Variants in ITGB4 observed in about 807,000 individuals in gnomAD.
ITGB4 encodes the protein integrin subunit beta 4.
A neutral mutation model predicts 207.6 loss-of-function variants in ITGB4; 159 were observed. That is an observed-to-expected ratio of 0.77 (90% CI 0.67 to 0.87). The LOEUF is 0.87. Among genes scored for constraint, ITGB4 ranks in the 40% least tolerant of loss-of-function variants. ITGB4 has a pLI of 0.00. For missense variants in ITGB4, 2,278 were observed against 2,546.8 expected, an observed-to-expected ratio of 0.89 and a Z score of 2.27; for synonymous variants, 1,020 against 1,062.7, an observed-to-expected ratio of 0.96 and a Z score of 0.78.
At chr17:75,734,113 T>G (rs2060922654) in intron 13 of ITGB4, among the ~76,000 whole-genome samples, 1 of 151,134 alleles carries the variant, frequency 6.6e-6, no homozygotes, top group Non-Finnish European at 1.5e-5. Context: ...GGGTTTTTTG[T>G]TGTTGTTGCT....
Position 75,756,447 on chromosome 17 carries a change from A to G in ITGB4, c.4727A>G (p.Asn1576Ser). 6.2e-7 allele frequency: 1 copy of G among 1,613,208 alleles called. No individual in the cohort carries two copies. ...CCCCCAGGTGAGCTGCATCGGCTCA[A>G]CATCCCCAACCCTGCCCAGACCTCG... ...LLNGGELHRL[N>S]IPNPAQTSVV... The change falls in exon 36 of 40, where the codon AAC becomes AGC. Residue 1576 changes from asparagine to serine, a missense_variant. Physicochemically the swap from Asn to Ser is conservative, Grantham distance 46. Transcript: ENST00000200181.
Position 75,742,190 on chromosome 17 carries a change from A to AGCATTGCC in ITGB4, c.2634-151_2634-150insGCATTGCC. 1 of 993,232 alleles carries AGCATTGCC rather than the reference A, an allele frequency of 1.0e-6. No individual in the cohort carries two copies. The highest frequency in any genetic ancestry group is 1.5e-6 in the Non-Finnish European group (1 of 653,494). The allele number at this position is 993,232 out of a possible 1,614,324, so 61.5% of individuals were successfully genotyped here. ...GCAGGGTAAAGGGTATGGGGCTGGC[A>AGCATTGCC]TAGGCCTGGAGCACTGCCTGCCTCT... On this transcript the variant is annotated intron_variant, in intron 23 of 39. Coordinates refer to ENST00000200181, the MANE Select transcript of ITGB4 (RefSeq NM_000213.5). This position sits in a 1 kb window ranked among gnomAD's most constrained non-coding sequence, Gnocchi z 5.9.
chr17:75,749,227 T>TC (rs759129542), intron 27 of ITGB4, among the ~76,000 whole-genome samples, 182 bp downstream of exon 27: 1 of 152,188 alleles, frequency 6.6e-6, no homozygotes, highest in Non-Finnish European at 1.5e-5. Context: ...AACATACTTA[T>TC]CCTTTTTTTT....
intron 26 of ITGB4, among the ~76,000 whole-genome samples, chr17:75,744,122 T>TC (rs1444131768): frequency 4.1e-5 from 6 of 146,678 alleles, no homozygotes; most frequent in Non-Finnish European, 3.0e-5. Flanking sequence ...GCTCTTTTTT[T>TC]TTTTTTTTTT....
chr17:75,737,649 G>C lies in ITGB4; in HGVS notation c.2220+5G>C. The C allele has an allele frequency of 6.2e-7, 1 of 1,611,770 alleles. No individual in the cohort carries two copies. Among genetic ancestry groups the C allele is most frequent in the South Asian group, 1.1e-5 (1 of 91,042 alleles). ...AAGTACTGTGCCTGCTGCAAGGTGA[G>C]CACCCAGGGTGCCTCCCAAGGCCCC... On this transcript the variant is annotated splice_donor_5th_base_variant and intron_variant, in intron 18 of 39. Coordinates refer to ENST00000200181, the MANE Select transcript of ITGB4 (RefSeq NM_000213.5).
rs947759639 is a variant in ITGB4, at chr17:75,731,452, C to T, written c.1215+84C>T. On this transcript the variant is annotated intron_variant, in intron 10 of 39. Transcript: ENST00000200181. This position sits in a 1 kb window ranked among gnomAD's most constrained non-coding sequence, Gnocchi z 6.8. ...AATCGTTTAAAACAGCGGTCAAGAG[C>T]GTGGCCCCTGGAGTCAGGCAGGCCT... The T allele has an allele frequency of 7.1e-6, 10 of 1,412,164 alleles. No homozygotes were observed. In the Admixed American group the frequency reaches 1.8e-4, roughly 25 times the overall value. 87.5% of individuals were successfully genotyped at this position (1,412,164 alleles called of 1,614,324 possible).
In ITGB4 at chr17:75,729,513, C is replaced by T; in HGVS notation, c.738+77C>T. On this transcript the variant is annotated intron_variant, in intron 7 of 39. Coordinates refer to ENST00000200181, the MANE Select transcript of ITGB4 (RefSeq NM_000213.5). This position sits in a 1 kb window ranked among gnomAD's most constrained non-coding sequence, Gnocchi z 4.4. Reference sequence around the variant, plus strand: ...GGCAAGGGCCTGAGCTGCCCCCTGGCCTGCTCTGGTGCCAGGCTCACAGGC... The same window carrying T: ...GGCAAGGGCCTGAGCTGCCCCCTGGTCTGCTCTGGTGCCAGGCTCACAGGC... 3.4e-6 allele frequency: 5 copies of T among 1,478,750 alleles called. No homozygotes were observed. Among genetic ancestry groups the T allele is most frequent in the Non-Finnish European group, 4.6e-6 (5 of 1,091,030 alleles). 91.6% of individuals were successfully genotyped at this position (1,478,750 alleles called of 1,614,324 possible).
Position 75,743,750 on chromosome 17 carries a change from G to T in ITGB4, c.3000G>T (p.Ser1000=). 1.2e-6 allele frequency: 2 copies of T among 1,613,528 alleles called. No homozygotes were observed. The highest frequency in any genetic ancestry group is 1.1e-5 in the South Asian group (1 of 91,078). The change falls in exon 26 of 40, where the codon TCG becomes TCT. Residue 1000 remains serine (S), a synonymous_variant. Transcript: ENST00000200181. ...TGTCCTTTGAGCAGCCTGAGTTCTC[G>T]GTCAGCCGCGGGGACCAGGTGGCCC... ...DVVSFEQPEF[S]VSRGDQVARI...
In ITGB4 at chr17:75,727,375, C is replaced by T. The variant is rs1159345697; in HGVS notation, c.163-29C>T. ...GGGGCAGCCAGGGAATGGGTGCTGC[C>T]CCCAGTGACCCCCTGTCCTTCTGGC... On this transcript the variant is annotated intron_variant, in intron 3 of 39. Coordinates refer to ENST00000200181, the MANE Select transcript of ITGB4 (RefSeq NM_000213.5). The surrounding 1 kb of genome is among the most constrained non-coding windows in gnomAD (Gnocchi z 6.0). 3 of 1,613,252 alleles carry T rather than the reference C, an allele frequency of 1.9e-6. No homozygotes were observed. The highest frequency in any genetic ancestry group is 2.5e-6 in the Non-Finnish European group (3 of 1,179,324).
intron 30 of ITGB4, 29 bp downstream of exon 30, chr17:75,751,140 A>G: frequency 6.2e-7 from 1 of 1,610,548 alleles, no homozygotes. Flanking sequence ...TTTCCTGCCC[A>G]CAGGGAGAAC....
In ITGB4 at chr17:75,750,123, G is replaced by T; in HGVS notation, c.3329G>T (p.Arg1110Leu). The stretch of plus-strand genomic sequence containing the variant: ...CCTGACCCGTTAGATGAACTGGACC[G>T]GAGCTTCACGAGTCAGATGTTGTCA... ...IIIRDPDELD[R>L]SFTSQMLSSQ... is the part of the protein sequence containing the mutation. Residue 1110 changes from arginine (R) to leucine (L), a missense_variant, in exon 28 of 40, where the codon CGG becomes CTG. Arg to Leu is a moderately radical substitution (Grantham distance 102). Transcript: ENST00000200181. This position sits in a 1 kb window ranked among gnomAD's most constrained non-coding sequence, Gnocchi z 5.5. The T allele has an allele frequency of 6.2e-7, 1 of 1,613,644 alleles. No homozygotes were observed. The highest frequency in any genetic ancestry group is 8.5e-7 in the Non-Finnish European group (1 of 1,180,004).
At chr17:75,723,706 A>G (rs2060661198) in intron 1 of ITGB4, among the ~76,000 whole-genome samples, 1 of 152,216 alleles carries the variant, frequency 6.6e-6, no homozygotes, top group African/African-American at 2.4e-5. Context: ...TGGGGTGGCC[A>G]CTGCCCCAGA....
At position 75,727,709 on chromosome 17, in the gene ITGB4, T is replaced by C. The variant is rs1487758259; in HGVS notation, c.323T>C (p.Val108Ala). 1.2e-6 allele frequency: 2 copies of C among 1,612,926 alleles called. No individual in the cohort carries two copies. The highest frequency in any genetic ancestry group is 1.7e-5 in the Admixed American group (1 of 59,940). Reference sequence around the variant, plus strand: ...CAGATGTCCCCCCAAGGCCTGCGGGTCCGTCTGCGGCCCGGTGAGGAGCGG... The same window carrying C: ...CAGATGTCCCCCCAAGGCCTGCGGGCCCGTCTGCGGCCCGGTGAGGAGCGG... Reference protein sequence around the residue: ...RSQMSPQGLRVRLRPGEERHF... With the variant: ...RSQMSPQGLRARLRPGEERHF... Residue 108 changes from valine to alanine, a missense_variant, in exon 5 of 40, where the codon GTC becomes GCC. By Grantham distance (64) the Val-to-Ala change is moderately conservative. Transcript: ENST00000200181. This position sits in a 1 kb window ranked among gnomAD's most constrained non-coding sequence, Gnocchi z 6.0.
Position 75,754,779 on chromosome 17 carries a change from A to G in ITGB4, c.4522A>G (p.Arg1508Gly), listed in dbSNP as rs1401821768. The G allele has an allele frequency of 6.2e-7, 1 of 1,612,518 alleles. No homozygotes were observed. The highest frequency in any genetic ancestry group is 8.5e-7 in the Non-Finnish European group (1 of 1,178,926). Residue 1508 changes from arginine to glycine, a missense_variant, in exon 34 of 40, where the codon AGG becomes GGG. By Grantham distance (125) the Arg-to-Gly change is moderately radical. Transcript: ENST00000200181. ...SEHSHSTTLP[R>G]DYSTLTSVSS... ...ACACTCACACTCGACCACACTGCCC[A>G]GGGACTACTCCACCCTCACCTCCGT... is the stretch of plus-strand genomic sequence containing the variant.
At chr17:75,754,082 G>A in intron 33 of ITGB4, 108 bp downstream of exon 33, 1 of 485,156 alleles carries the variant, frequency 2.1e-6, no homozygotes, top group Admixed American at 4.0e-5. Flanking sequence ...GTTTCAGCCA[G>A]GCCCGGGCCT....
chr17:75,734,356 G>A (rs1224199249), intron 13 of ITGB4, among the ~76,000 whole-genome samples: 12 of 151,784 alleles, frequency 7.9e-5, no homozygotes, highest in East Asian at 1.9e-4. Context: ...GGCTGGTCTC[G>A]AACTCCTGAC....
In ITGB4 at chr17:75,740,509, G is replaced by A. The variant is rs762872730; in HGVS notation, c.2550+48G>A. 89 of 1,460,046 alleles carry A rather than the reference G, an allele frequency of 6.1e-5. 1 individual carries two copies. In the South Asian group the frequency reaches 8.3e-4, roughly 14 times the overall value. The allele number at this position is 1,460,046 out of a possible 1,614,324, so 90.4% of individuals were successfully genotyped here. A position where few individuals can be genotyped will look rare whatever the true frequency, so the allele number is the denominator to read the frequency against. ...TGGCCGGAGATGTGGGTATGAGGGC[G>A]GGTGAGGTGGGCAGGGCAGAGCGAA... On this transcript the variant is annotated intron_variant, in intron 21 of 39. Transcript: ENST00000200181. The surrounding 1 kb of genome is among the most constrained non-coding windows in gnomAD (Gnocchi z 5.9).
rs778928584 is a variant in ITGB4, at chr17:75,755,782, G to A, written c.4640G>A (p.Ser1547Asn). 1.2e-6 allele frequency: 2 copies of A among 1,612,236 alleles called. No homozygotes were observed. Among genetic ancestry groups the A allele is most frequent in the Admixed American group, 3.3e-5 (2 of 60,012 alleles). The change falls in exon 35 of 40, where the codon AGC (serine) becomes AAC (asparagine). Residue 1547 changes from serine to asparagine, a missense_variant. Ser to Asn is a conservative substitution (Grantham distance 46). Coordinates refer to ENST00000200181, the MANE Select transcript of ITGB4 (RefSeq NM_000213.5). Reference sequence around the variant, plus strand: ...CTGGGGCCCACATCTCTCAGAGTGAGCTGGCAGGAGCCGCGGTGCGAGCGG... The same window carrying A: ...CTGGGGCCCACATCTCTCAGAGTGAACTGGCAGGAGCCGCGGTGCGAGCGG... ...SALGPTSLRV[S>N]WQEPRCERPL...
At chr17:75,745,821 G>A (rs2061220923) in intron 26 of ITGB4, among the ~76,000 whole-genome samples, 2 of 152,150 alleles carry the variant, frequency 1.3e-5, no homozygotes, top group Non-Finnish European at 2.9e-5. Context: ...GGAGGCTGCA[G>A]TGAACCGAGA....
Sources: gnomAD v4.1 joint callset for allele counts (sites outside exome capture counted in the v4.1 genomes callset) on GRCh38, gnomAD v4.1.1 for gene constraint, Gnocchi (gnomAD v3.1) non-coding constraint, MANE v1.5 for transcripts, NCBI Gene and HGNC (gene_info 2026-07-23, HGNC 2026-07-21) for gene names.